ZNF536: variants seen among roughly 807,000 people sequenced by gnomAD.
The protein encoded by ZNF536 is zinc finger protein 536.
A neutral mutation model predicts 84.5 loss-of-function variants in ZNF536; 13 were observed. The ratio of observed to expected loss-of-function variants is 0.15; its 90% CI spans 0.10 to 0.24. ZNF536 has a LOEUF of 0.24. Among genes scored for constraint, ZNF536 ranks in the 10% least tolerant of loss-of-function variants. ZNF536 has a pLI of 1.00. For synonymous variants in ZNF536, 811 were observed against 742.5 expected, an observed-to-expected ratio of 1.09 and a Z score of -1.50; for missense variants, 1,536 against 1,747.5, an observed-to-expected ratio of 0.88 and a Z score of 2.16.
At chr19:30,505,216 A>C (rs907794574) in intron 2 of ZNF536, among the ~76,000 whole-genome samples, 2 of 141,446 alleles carry the variant, frequency 1.4e-5, no homozygotes, top group Non-Finnish European at 3.0e-5. Flanking sequence ...ATATTATATT[A>C]TTATGAGATA....
At chr19:30,472,923 G>C (rs1487637069) in intron 2 of ZNF536, among the ~76,000 whole-genome samples, 6 of 151,952 alleles carry the variant, frequency 3.9e-5, no homozygotes, top group Admixed American at 3.9e-4. Flanking sequence ...CGGGTGAGGT[G>C]GCTCACACCT....
intron 2 of ZNF536, among the ~76,000 whole-genome samples, chr19:30,530,315 C>CCT (rs1483505115): frequency 1.4e-5 from 2 of 146,990 alleles, no homozygotes; most frequent in South Asian, 4.2e-4. Context: ...TTTTGTAATA[C>CCT]CTCTCTCTCT....
At chr19:30,526,120 C>T (rs1200784458) in intron 2 of ZNF536, among the ~76,000 whole-genome samples, 1 of 152,168 alleles carries the variant, frequency 6.6e-6, no homozygotes, top group Non-Finnish European at 1.5e-5. Flanking sequence ...GCCCACAGTC[C>T]CTGTCCCACA....
rs1026083475 is a variant in ZNF536, at chr19:30,667,272, T to G, written c.170-43485T>G. 2.0e-5 allele frequency among the ~76,000 whole-genome samples: 3 copies of G among 152,180 alleles called. No homozygotes were observed. In the East Asian group the frequency reaches 5.8e-4, roughly 29 times the overall value. On this transcript the variant is annotated intron_variant, in intron 1 of 1. Transcript: ENST00000592773. ...ATCCCCAGCTTACAGAAGGGGAAAC[T>G]GAGGCTCAGAGGAGCAATCGCCTGT...
intron 2 of ZNF536, among the ~76,000 whole-genome samples, chr19:30,337,967 A>G (rs2047434259): frequency 6.6e-6 from 1 of 151,456 alleles, no homozygotes; most frequent in Non-Finnish European, 1.5e-5. Context: ...CGTGATGGTG[A>G]TGATTGTGAT....
intron 2 of ZNF536, among the ~76,000 whole-genome samples, chr19:30,509,356 G>T (rs1052994966): frequency 1.4e-5 from 2 of 143,332 alleles, no homozygotes; most frequent in African/African-American, 5.1e-5. Flanking sequence ...AATTACATAT[G>T]TATTACACAT....
Position 30,548,116 on chromosome 19 carries a change from A to G in ZNF536, c.2497A>G (p.Ile833Val). The G allele has an allele frequency of 6.2e-7, 1 of 1,614,074 alleles. No homozygotes were observed. The highest frequency in any genetic ancestry group is 1.7e-5 in the Admixed American group (1 of 60,014). The change falls in exon 4 of 5, where the codon ATC becomes GTC. Residue 833 changes from isoleucine (I) to valine (V), a missense_variant. Ile to Val is a conservative substitution (Grantham distance 29). Coordinates refer to ENST00000355537, the MANE Select transcript of ZNF536 (RefSeq NM_014717.3). ...GATGTCAAGCAAAGCTTCTCTGTTC[A>G]TCAGGCCAGACATCCTGAGGGGGGC... ...DEMSSKASLF[I>V]RPDILRGAFK...
intron 1 of ZNF536, among the ~76,000 whole-genome samples, chr19:30,411,368 A>G (rs1478939131): frequency 6.6e-6 from 1 of 152,172 alleles, no homozygotes; most frequent in Non-Finnish European, 1.5e-5. Flanking sequence ...AAATTTTTAT[A>G]TGAATTTCCT....
intron 1 of ZNF536, among the ~76,000 whole-genome samples, chr19:30,631,456 A>G (rs1483707727): frequency 6.6e-6 from 1 of 152,158 alleles, no homozygotes; most frequent in Non-Finnish European, 1.5e-5. Context: ...TCTCCAGCAA[A>G]CGGGTTGGCT....
chr19:30,538,357 A>G (rs2045178797), intron 3 of ZNF536, among the ~76,000 whole-genome samples: 1 of 152,204 alleles, frequency 6.6e-6, no homozygotes, highest in Middle Eastern at 3.2e-3. Flanking sequence ...GGGATATCAG[A>G]TGGCACCTTC....
chr19:30,628,758 G>A (rs969308212), intron 1 of ZNF536, among the ~76,000 whole-genome samples: 1 of 152,032 alleles, frequency 6.6e-6, no homozygotes, highest in Non-Finnish European at 1.5e-5. Flanking sequence ...GAGTGTAGTG[G>A]CATGATCTCG....
chr19:30,662,016 GA>G (rs1441102829), intron 1 of ZNF536, among the ~76,000 whole-genome samples: 1 of 152,150 alleles, frequency 6.6e-6, no homozygotes, highest in Non-Finnish European at 1.5e-5. Flanking sequence ...TGACGACCTT[GA>G]AATTAACATA....
intron 1 of ZNF536, among the ~76,000 whole-genome samples, chr19:30,441,536 A>G (rs2052047727): frequency 6.6e-6 from 1 of 152,088 alleles, no homozygotes; most frequent in South Asian, 2.1e-4. Context: ...AAGGCTAGGG[A>G]CTGGCACATG....
At chr19:30,458,266 A>T (rs2052950182) in intron 2 of ZNF536, among the ~76,000 whole-genome samples, 2 of 151,754 alleles carry the variant, frequency 1.3e-5, no homozygotes, top group South Asian at 2.1e-4. Context: ...AGTGTAGAAG[A>T]TTCGGAGACG....
intron 2 of ZNF536, among the ~76,000 whole-genome samples, chr19:30,515,099 G>GA (rs961648761): frequency 3.3e-5 from 5 of 151,996 alleles, no homozygotes; most frequent in African/African-American, 9.7e-5. Context: ...AAAAACACCA[G>GA]AAAAAACTAA....
intron 1 of ZNF536, among the ~76,000 whole-genome samples, chr19:30,391,431 C>T (rs1047721212): frequency 9.9e-5 from 15 of 152,108 alleles, no homozygotes; most frequent in Non-Finnish European, 8.8e-5. Flanking sequence ...AAAAAAATAG[C>T]CGGGCATGGT....
chr19:30,517,437 G>T (rs2044126520), intron 2 of ZNF536, among the ~76,000 whole-genome samples: 1 of 152,146 alleles, frequency 6.6e-6, no homozygotes, highest in Non-Finnish European at 1.5e-5. Context: ...GCCCGGTGGG[G>T]AGGACGCATC....
At chr19:30,699,927 C>T (rs777730777) in intron 1 of ZNF536, among the ~76,000 whole-genome samples, 6 of 152,242 alleles carry the variant, frequency 3.9e-5, no homozygotes, top group South Asian at 2.1e-4. Context: ...CCCAGGCCGG[C>T]GGGGCCCACT....
chr19:30,423,877 A>G (rs768636036), intron 1 of ZNF536, among the ~76,000 whole-genome samples: 3 of 151,964 alleles, frequency 2.0e-5, no homozygotes, highest in Admixed American at 6.6e-5. Flanking sequence ...AAGTAGTAAT[A>G]TGATGGGGAT....
Sources: allele counts gnomAD v4.1 joint callset (sites outside exome capture counted in the v4.1 genomes callset), GRCh38; gene constraint gnomAD v4.1.1; transcripts MANE v1.5; gene names NCBI Gene and HGNC (gene_info 2026-07-23, HGNC 2026-07-21).